TSPAN19: variants seen among roughly 807,000 people sequenced by gnomAD.
The protein encoded by TSPAN19 is tetraspanin 19, also known as tetraspanin-19.
Under a neutral mutation model 35.1 loss-of-function variants are expected in TSPAN19, and 44 were observed. The ratio of observed to expected loss-of-function variants is 1.25; its 90% confidence interval spans 0.98 to 1.61. The LOEUF (loss-of-function observed/expected upper bound fraction) is 1.61. Among genes scored for constraint, TSPAN19 ranks in the 40% most tolerant of loss-of-function variants. The pLI is 0.00. For missense variants in TSPAN19, 290 were observed against 280.0 expected (o/e 1.04, Z -0.26); for synonymous variants, 79 against 92.0 (o/e 0.86, Z 0.81).
intron 4 of TSPAN19, among the ~76,000 whole-genome samples, chr12:85,025,486 A>G (rs1163899365): frequency 6.6e-6 from 1 of 150,710 alleles, no homozygotes; most frequent in Non-Finnish European, 1.5e-5. Flanking sequence ...TTAGAGTAGG[A>G]GTATGTTAAA....
chr12:85,021,551 T>C (rs1185802500), intron 5 of TSPAN19, among the ~76,000 whole-genome samples: 1 of 152,036 alleles, frequency 6.6e-6, no homozygotes, highest in African/African-American at 2.4e-5. Context: ...CCAGAATGCA[T>C]ATAAATGACA....
rs1228243440 is a variant in TSPAN19, at chr12:85,017,448, A to G, written c.594+8T>C. 6.2e-6 allele frequency: 10 copies of G among 1,604,292 alleles called. No homozygotes were observed. Among genetic ancestry groups the G allele is most frequent in the Admixed American group, 1.7e-5 (1 of 58,818 alleles). On this transcript the variant is annotated splice_region_variant and intron_variant, in intron 7 of 8. Coordinates refer to ENST00000532498, the MANE Select transcript of TSPAN19 (RefSeq NM_001100917.2). ...TAAATACTTGTAGAAGCCTAGATTT[A>G]TCTTTACCTCAAGGTAAGTTGCATT...
intron 4 of TSPAN19, among the ~76,000 whole-genome samples, chr12:85,024,122 C>A (rs549699197): frequency 6.6e-6 from 1 of 151,936 alleles, no homozygotes; most frequent in Non-Finnish European, 1.5e-5. Context: ...GCAAAATGGG[C>A]GAGATTTACA....
At chr12:85,019,984 G>A (rs773976399) in intron 5 of TSPAN19, among the ~76,000 whole-genome samples, 1 of 151,872 alleles carries the variant, frequency 6.6e-6, no homozygotes, top group Non-Finnish European at 1.5e-5. Flanking sequence ...AAGAAGTAAT[G>A]TGCTATTCTC....
At chr12:85,028,327 C>G (rs1359015809) in intron 3 of TSPAN19, among the ~76,000 whole-genome samples, 9 of 152,160 alleles carry the variant, frequency 5.9e-5, no homozygotes, top group Admixed American at 5.9e-4. Flanking sequence ...AAGATTTCAT[C>G]TATGTCCAAT....
intron 5 of TSPAN19, among the ~76,000 whole-genome samples, 188 bp downstream of exon 5, chr12:85,023,137 TA>T (rs781688358): frequency 1.2e-4 from 18 of 152,094 alleles, no homozygotes; most frequent in Non-Finnish European, 1.6e-4. Context: ...CAAGTTCCCC[TA>T]TCTACCCTTT....
chr12:85,019,482 G>T, intron 6 of TSPAN19, 144 bp downstream of exon 6: 1 of 561,288 alleles, frequency 1.8e-6, no homozygotes, highest in Non-Finnish European at 3.2e-6. Flanking sequence ...TGTAAGTGTG[G>T]AGAATGCCCT....
intron 8 of TSPAN19, chr12:85,015,539 T>TAC (rs1423664219): frequency 2.9e-4 from 39 of 136,396 alleles, no homozygotes; most frequent in East Asian, 2.4e-3. Context: ...TATATGAACA[T>TAC]ATACACACAC....
intron 5 of TSPAN19, among the ~76,000 whole-genome samples, chr12:85,021,035 T>C (rs947122558): frequency 6.6e-6 from 1 of 152,014 alleles, no homozygotes; most frequent in Non-Finnish European, 1.5e-5. Context: ...ATCTAGGTAA[T>C]GCAAAGGTAG....
chr12:85,034,955 T>C (rs1286358805), intron 1 of TSPAN19, among the ~76,000 whole-genome samples: 1 of 152,208 alleles, frequency 6.6e-6, no homozygotes, highest in Non-Finnish European at 1.5e-5. Flanking sequence ...TATTTGATTA[T>C]GAAAACTAGT....
At chr12:85,016,334 CT>C (rs1449698523) in intron 7 of TSPAN19, 1 of 162,834 alleles carries the variant, frequency 6.1e-6, no homozygotes, top group East Asian at 1.8e-4. Flanking sequence ...GTATCAAACC[CT>C]AAATATATTA....
At chr12:85,019,765 T>A (rs1157665527) in intron 5 of TSPAN19, 29 bp from the exon 6 acceptor site, 2 of 1,353,464 alleles carry the variant, frequency 1.5e-6, no homozygotes, top group Non-Finnish European at 2.1e-6. Context: ...AAAATGAAAA[T>A]TTCATAGGAA....
chr12:85,034,137 G>A (rs1877805868), intron 1 of TSPAN19, among the ~76,000 whole-genome samples: 1 of 152,096 alleles, frequency 6.6e-6, no homozygotes. Context: ...AAGAGAATGA[G>A]AGGCCTAAGA....
At chr12:85,020,284 C>T (rs1027971849) in intron 5 of TSPAN19, among the ~76,000 whole-genome samples, 1 of 151,536 alleles carries the variant, frequency 6.6e-6, no homozygotes, top group African/African-American at 2.4e-5. Context: ...TCTCTCCAAG[C>T]CTGTTTTGCG....
chr12:85,018,507 T>C (rs1876940801), intron 6 of TSPAN19, among the ~76,000 whole-genome samples: 1 of 151,932 alleles, frequency 6.6e-6, no homozygotes, highest in Non-Finnish European at 1.5e-5. Context: ...CTCATCATTT[T>C]CTGCCCATAG....
In TSPAN19 at chr12:85,023,340, T is replaced by C. The variant is rs776335499; in HGVS notation, c.325A>G (p.Thr109Ala). 43 of 1,584,160 alleles carry C rather than the reference T, an allele frequency of 2.7e-5. No individual in the cohort carries two copies. Among genetic ancestry groups the C allele is most frequent in the Non-Finnish European group, 3.4e-5 (40 of 1,163,952 alleles). The change falls in exon 5 of 9, where the codon ACA (threonine) becomes GCA (alanine). Residue 109 changes from threonine to alanine, a missense_variant. Physicochemically the swap from Thr to Ala is moderately conservative, Grantham distance 58 (BLOSUM62 0). Coordinates refer to ENST00000532498, the MANE Select transcript of TSPAN19 (RefSeq NM_001100917.2). ...ACTTTCCATACCTCCTCTTTCTTTG[T>C]GATGATGAATGCTGAAAGTACAACC... ...VQVVLSAFII[T>A]KKEEVQQLWH...
chr12:85,023,378 G>C lies in TSPAN19; in HGVS notation c.287C>G (p.Thr96Ser). 1 of 1,587,226 alleles carries C rather than the reference G, an allele frequency of 6.3e-7. No homozygotes were observed. The highest frequency in any genetic ancestry group is 8.6e-7 in the Non-Finnish European group (1 of 1,165,682). Residue 96 changes from threonine to serine, a missense_variant, in exon 5 of 9, where the codon ACC (threonine) becomes AGC (serine). By Grantham distance (58) the Thr-to-Ser change is moderately conservative. Transcript: ENST00000532498. ...TGAAAGTACAACCTGAACAGCAAAGGTCCATGTTATCAATACTGCATACTA... is the reference window on the plus strand; with the variant it reads ...TGAAAGTACAACCTGAACAGCAAAGCTCCATGTTATCAATACTGCATACTA... ...LIVYAVLITW[T>S]FAVQVVLSAF...
At chr12:85,027,715 G>T (rs1288353260) in intron 4 of TSPAN19, among the ~76,000 whole-genome samples, 184 bp downstream of exon 4, 2 of 152,076 alleles carry the variant, frequency 1.3e-5, no homozygotes, top group East Asian at 1.9e-4. Context: ...CATAGAAAAC[G>T]CACTAAGAAA....
intron 4 of TSPAN19, among the ~76,000 whole-genome samples, chr12:85,027,328 G>C (rs375194826): frequency 6.6e-6 from 1 of 151,888 alleles, no homozygotes; most frequent in African/African-American, 2.4e-5. Context: ...GTAACTGCTG[G>C]GTACTATGCT....
Sources: gnomAD v4.1 joint callset for allele counts (sites outside exome capture counted in the v4.1 genomes callset) on GRCh38, gnomAD v4.1.1 for gene constraint, MANE v1.5 for transcripts, NCBI Gene and HGNC (gene_info 2026-07-23, HGNC 2026-07-21) for gene names.